SH3KBP1: variants seen among roughly 807,000 people sequenced by gnomAD.
The protein encoded by SH3KBP1 is SH3 domain containing kinase binding protein 1, also known as SH3 domain-containing kinase-binding protein 1.
Under a neutral mutation model 50.1 loss-of-function variants are expected in SH3KBP1, and 8 were observed. The ratio of observed to expected loss-of-function variants is 0.16; its 90% confidence interval spans 0.09 to 0.29. The LOEUF is 0.29. SH3KBP1 is among the 10% of genes least tolerant of loss of function. SH3KBP1 has a pLI of 1.00. For missense variants in SH3KBP1, 377 were observed against 535.2 expected (o/e 0.70, Z 2.92); for synonymous variants, 227 against 218.6 (o/e 1.04, Z -0.34).
intron 2 of SH3KBP1, among the ~76,000 whole-genome samples, chrX:19,760,083 TC>T (rs1435552976): frequency 1.1e-5 from 1 of 92,936 alleles, no homozygotes; most frequent in South Asian, 5.1e-4. Flanking sequence ...TCTCTCTCTC[TC>T]GACACACACA....
chrX:19,640,961 AG>A (rs2148362005), intron 7 of SH3KBP1, among the ~76,000 whole-genome samples: 1 of 112,069 alleles, frequency 8.9e-6, no homozygotes, highest in African/African-American at 3.2e-5. Context: ...AAACCTCTAG[AG>A]GGTATTTAAA....
intron 3 of SH3KBP1, among the ~76,000 whole-genome samples, chrX:19,710,908 C>T (rs1350907997): frequency 9.0e-6 from 1 of 111,532 alleles, no homozygotes; most frequent in African/African-American, 3.3e-5. Context: ...CCATTTGTGA[C>T]CATTTACTGT....
intron 3 of SH3KBP1, among the ~76,000 whole-genome samples, chrX:19,745,885 C>T (rs932644930): frequency 8.9e-6 from 1 of 112,645 alleles, no homozygotes; most frequent in East Asian, 2.8e-4. Context: ...GCCTCACAAA[C>T]TCAGAGAGGC....
chrX:19,761,992 C>T (rs1355038429), intron 2 of SH3KBP1, among the ~76,000 whole-genome samples: 2 of 112,380 alleles, frequency 1.8e-5, no homozygotes, highest in Admixed American at 9.4e-5. Flanking sequence ...GTAGGATAGA[C>T]CAGTATCAAA....
chrX:19,674,467 T>C (rs1437548502), intron 6 of SH3KBP1, among the ~76,000 whole-genome samples: 1 of 112,124 alleles, frequency 8.9e-6, no homozygotes, highest in South Asian at 3.6e-4. Context: ...AAAGCTTCAG[T>C]GAATGAATGA....
intron 2 of SH3KBP1, among the ~76,000 whole-genome samples, chrX:19,799,052 AC>A (rs2066812282): frequency 9.0e-6 from 1 of 110,758 alleles, no homozygotes; most frequent in Admixed American, 9.6e-5. Flanking sequence ...CTCTTGACAG[AC>A]CCCAAGCTGA....
intron 1 of SH3KBP1, among the ~76,000 whole-genome samples, chrX:19,877,525 T>G (rs1008797407): frequency 4.5e-5 from 5 of 111,744 alleles, no homozygotes; most frequent in African/African-American, 1.6e-4. Context: ...ACTAAGCTAA[T>G]TAAAGACTTT....
intron 16 of SH3KBP1, among the ~76,000 whole-genome samples, chrX:19,539,903 A>T (rs749670196): frequency 4.5e-5 from 5 of 111,876 alleles, no homozygotes; most frequent in Non-Finnish European, 9.4e-5. Context: ...GACAATTCCC[A>T]CCAACTATTT....
At chrX:19,672,236 G>C (rs1259369524) in intron 6 of SH3KBP1, among the ~76,000 whole-genome samples, 1 of 111,865 alleles carries the variant, frequency 8.9e-6, no homozygotes, top group Non-Finnish European at 1.9e-5. Context: ...ACCCAACTAG[G>C]ACGGAGGAGA....
chrX:19,711,558 A>C (rs1191294561), intron 3 of SH3KBP1, among the ~76,000 whole-genome samples: 1 of 110,975 alleles, frequency 9.0e-6, no homozygotes, highest in Non-Finnish European at 1.9e-5. Context: ...GGTCAACTGA[A>C]AACTTCCAAC....
intron 7 of SH3KBP1, among the ~76,000 whole-genome samples, chrX:19,644,785 T>A (rs1602791095): frequency 8.9e-6 from 1 of 112,219 alleles, no homozygotes; most frequent in Non-Finnish European, 1.9e-5. Context: ...CCTTTTTTTT[T>A]AAACATGGCT....
At chrX:19,791,495 T>G (rs992647460) in intron 2 of SH3KBP1, among the ~76,000 whole-genome samples, 3 of 106,518 alleles carry the variant, frequency 2.8e-5, no homozygotes, top group Admixed American at 1.0e-4. Flanking sequence ...AATTTTTTTG[T>G]ATTTCAATAT....
At chrX:19,565,353 C>T (rs185708085) in intron 13 of SH3KBP1, among the ~76,000 whole-genome samples, 81 of 111,019 alleles carry the variant, frequency 7.3e-4, no homozygotes, top group East Asian at 4.3e-3. Flanking sequence ...TAAGCCACCG[C>T]GCCTGGCCTT....
intron 2 of SH3KBP1, among the ~76,000 whole-genome samples, chrX:19,756,759 T>C (rs2065220569): frequency 9.1e-6 from 1 of 110,156 alleles, no homozygotes; most frequent in South Asian, 3.9e-4. Flanking sequence ...TAAATGTGTA[T>C]CAGTAGAGAG....
chrX:19,575,555 C>T (rs1330544961), intron 12 of SH3KBP1, among the ~76,000 whole-genome samples: 1 of 111,418 alleles, frequency 9.0e-6, no homozygotes, highest in Non-Finnish European at 1.9e-5. Flanking sequence ...AGCCCTGATC[C>T]CTCATGCCAA....
chrX:19,869,852 C>CA (rs1488498690), intron 1 of SH3KBP1, among the ~76,000 whole-genome samples: 1 of 112,386 alleles, frequency 8.9e-6, no homozygotes, highest in African/African-American at 3.2e-5. Flanking sequence ...ACTGGCACAA[C>CA]ACTTTGGAAA....
chrX:19,727,602 G>A (rs1170948784), intron 3 of SH3KBP1, among the ~76,000 whole-genome samples: 1 of 112,490 alleles, frequency 8.9e-6, no homozygotes. Flanking sequence ...TCTGAATGTG[G>A]GTGTGCAAAT....
At chrX:19,829,008 C>CTTTA (rs2067778936) in intron 2 of SH3KBP1, among the ~76,000 whole-genome samples, 1 of 111,176 alleles carries the variant, frequency 9.0e-6, no homozygotes, top group Admixed American at 9.6e-5. Flanking sequence ...CCAATGGAAG[C>CTTTA]CACAACTTTA....
At chrX:19,760,570 G>A (rs1188020467) in intron 2 of SH3KBP1, among the ~76,000 whole-genome samples, 3 of 108,775 alleles carry the variant, frequency 2.8e-5, no homozygotes, top group African/African-American at 6.7e-5. Flanking sequence ...TCTGGCATGT[G>A]TCACTTGGGG....
Sources: gnomAD v4.1 joint callset for allele counts (sites outside exome capture counted in the v4.1 genomes callset) on GRCh38, gnomAD v4.1.1 for gene constraint, MANE v1.5 for transcripts, NCBI Gene and HGNC (gene_info 2026-07-23, HGNC 2026-07-21) for gene names.